SPATA13: variants seen among roughly 807,000 people sequenced by gnomAD.
SPATA13 encodes spermatogenesis-associated protein 13.
In SPATA13, 50 loss-of-function variants were observed where a neutral mutation model predicts 104.0. That is an observed-to-expected ratio of 0.48 (90% CI 0.38 to 0.61). The LOEUF is 0.61. SPATA13 is among the 20% of genes least tolerant of loss of function. The pLI, the probability that SPATA13 is intolerant of heterozygous loss-of-function variation, is 0.00. For missense variants in SPATA13, 1,524 were observed against 1,690.6 expected (o/e 0.90, Z 1.73); for synonymous variants, 606 against 667.5 (o/e 0.91, Z 1.42).
intron 2 of SPATA13, among the ~76,000 whole-genome samples, chr13:24,229,741 A>G (rs975664522): frequency 3.3e-5 from 5 of 152,232 alleles, no homozygotes; most frequent in Admixed American, 2.0e-4. Context: ...TGCATAATCC[A>G]ACATTTATAT....
intron 12 of SPATA13, among the ~76,000 whole-genome samples, chr13:24,301,542 C>T (rs1877184517): frequency 6.6e-6 from 1 of 152,174 alleles, no homozygotes; most frequent in Non-Finnish European, 1.5e-5. Flanking sequence ...GTCACTCGCC[C>T]AGCAGCCAGG....
chr13:24,279,302 GC>G (rs1875307677), intron 4 of SPATA13, among the ~76,000 whole-genome samples: 1 of 152,186 alleles, frequency 6.6e-6, no homozygotes, highest in Non-Finnish European at 1.5e-5. Context: ...GCAGCCAAGA[GC>G]CCATTGGTTG....
intron 1 of SPATA13, among the ~76,000 whole-genome samples, chr13:24,165,735 C>T (rs1218745571): frequency 1.3e-5 from 2 of 152,176 alleles, no homozygotes; most frequent in Non-Finnish European, 2.9e-5. Flanking sequence ...CTGATCAGAA[C>T]GTTGATCACA....
At chr13:24,040,527 C>T (rs1273834004) in intron 3 of SPATA13, among the ~76,000 whole-genome samples, 2 of 152,126 alleles carry the variant, frequency 1.3e-5, no homozygotes, top group African/African-American at 2.4e-5. Context: ...GGAGAGGAGG[C>T]TACCACCAGG....
chr13:24,140,021 G>A (rs561691686), intron 3 of SPATA13, among the ~76,000 whole-genome samples: 87 of 150,770 alleles, frequency 5.8e-4, no homozygotes, highest in African/African-American at 2.0e-3. Flanking sequence ...GTGAGCCAAG[G>A]TCGTGCCACT....
chr13:24,123,202 C>T, intron 3 of SPATA13: 1 of 1,503,272 alleles, frequency 6.7e-7, no homozygotes, highest in Middle Eastern at 2.1e-4. Context: ...GTGATATATT[C>T]TTTAGCTTTT....
At chr13:24,017,730 C>G (rs907195544) in intron 3 of SPATA13, 3 of 983,058 alleles carry the variant, frequency 3.1e-6, no homozygotes, top group Non-Finnish European at 1.2e-6. Context: ...CCGTTCTTCC[C>G]TCTCCTTCCT....
At chr13:24,176,475 G>A (rs1868442244) in intron 1 of SPATA13, among the ~76,000 whole-genome samples, 1 of 152,034 alleles carries the variant, frequency 6.6e-6, no homozygotes, top group South Asian at 2.1e-4. Flanking sequence ...TCCCCATGAT[G>A]TCACAGTTTC....
At chr13:24,291,638 C>G (rs1162289411) in intron 9 of SPATA13, among the ~76,000 whole-genome samples, 2 of 152,254 alleles carry the variant, frequency 1.3e-5, no homozygotes, top group Non-Finnish European at 2.9e-5. Context: ...TTCGAGCTTC[C>G]TTGGTGCCTG....
chr13:24,227,157 A>G (rs566646023), intron 2 of SPATA13, among the ~76,000 whole-genome samples: 1 of 152,316 alleles, frequency 6.6e-6, no homozygotes, highest in South Asian at 2.1e-4. Context: ...TCCTTCCACT[A>G]AACACCCTAC....
chr13:24,215,126 G>A (rs1331721159), intron 1 of SPATA13, among the ~76,000 whole-genome samples: 1 of 152,172 alleles, frequency 6.6e-6, no homozygotes, highest in East Asian at 1.9e-4. Context: ...CTGAGAGATG[G>A]GGTGTGTGCT....
intron 3 of SPATA13, among the ~76,000 whole-genome samples, chr13:24,052,528 T>A (rs990979051): frequency 1.6e-4 from 24 of 151,706 alleles, no homozygotes; most frequent in Non-Finnish European, 3.1e-4. Context: ...TGTGAGACAT[T>A]AATGTTCTGG....
intron 3 of SPATA13, among the ~76,000 whole-genome samples, chr13:24,110,278 G>A (rs912782785): frequency 2.0e-5 from 3 of 151,838 alleles, no homozygotes; most frequent in East Asian, 1.9e-4. Flanking sequence ...ATTGGTCAAG[G>A]AGTGAGGAAG....
At position 24,186,450 on chromosome 13, in the gene SPATA13, A is replaced by G. The variant is rs190942591; in HGVS notation, c.-112+25518A>G. 3.3e-4 allele frequency among the ~76,000 whole-genome samples: 50 copies of G among 152,326 alleles called. No homozygotes were observed. In the East Asian group the frequency reaches 8.3e-3, roughly 25 times the overall value. On this transcript the variant is annotated intron_variant, in intron 1 of 12. Transcript: ENST00000382108. ...AATAGTCTTCAAACCAAGAGGGAAC[A>G]TCAGCCATAGTCCAGAAAAACTGAT...
At chr13:24,091,231 C>T (rs1277912686) in intron 3 of SPATA13, among the ~76,000 whole-genome samples, 1 of 152,226 alleles carries the variant, frequency 6.6e-6, no homozygotes, top group East Asian at 1.9e-4. Flanking sequence ...CTAAATCCTT[C>T]TAAGATCTTG....
intron 1 of SPATA13, among the ~76,000 whole-genome samples, chr13:24,202,979 A>G (rs1383733603): frequency 6.6e-6 from 1 of 151,680 alleles, no homozygotes. Flanking sequence ...TTTTCCCTCA[A>G]GTTTTATTTT....
intron 3 of SPATA13, among the ~76,000 whole-genome samples, chr13:24,077,620 A>G (rs749338556): frequency 3.3e-5 from 5 of 150,582 alleles, no homozygotes; most frequent in Non-Finnish European, 7.4e-5. Context: ...GATCTAAAAT[A>G]AAATTTAAAA....
At chr13:24,218,170 TG>T (rs1257939300) in intron 1 of SPATA13, among the ~76,000 whole-genome samples, 3 of 152,152 alleles carry the variant, frequency 2.0e-5, no homozygotes, top group Non-Finnish European at 4.4e-5. Context: ...CAGTGTGGAA[TG>T]GACTCTGGCA....
At chr13:24,050,653 G>A (rs1878306976) in intron 3 of SPATA13, among the ~76,000 whole-genome samples, 1 of 152,296 alleles carries the variant, frequency 6.6e-6, no homozygotes, top group Admixed American at 6.5e-5. Context: ...TCTGTGCTGT[G>A]CCTCAGCCAG....
Sources: gnomAD v4.1 joint callset for allele counts (sites outside exome capture counted in the v4.1 genomes callset) on GRCh38, gnomAD v4.1.1 for gene constraint, MANE v1.5 for transcripts, NCBI Gene and HGNC (gene_info 2026-07-23, HGNC 2026-07-21) for gene names.